The following MYO16 variants were observed in gnomAD, a reference collection of about 807,000 sequenced individuals.
The protein encoded by MYO16 is myosin XVI, also known as unconventional myosin-XVI.
In MYO16, 94 loss-of-function variants were observed where a neutral mutation model predicts 205.3. The observed-to-expected ratio is 0.46, with a 90% CI of 0.39 to 0.54. The LOEUF (loss-of-function observed/expected upper bound fraction) is 0.54. Ranked by LOEUF, MYO16 falls within the 20% of genes least tolerant of loss-of-function variation. The pLI is 0.00. For missense variants in MYO16, 2,315 were observed against 2,387.5 expected, an observed-to-expected ratio of 0.97 and a Z score of 0.63; for synonymous variants, 988 against 954.0, an observed-to-expected ratio of 1.04 and a Z score of -0.66.
intron 28 of MYO16, among the ~76,000 whole-genome samples, chr13:109,119,816 T>C (rs1476379970): frequency 6.6e-6 from 1 of 152,226 alleles, no homozygotes; most frequent in African/African-American, 2.4e-5. Context: ...GATGACTTTC[T>C]CATCTTTCTT....
At chr13:109,158,671 C>T (rs1878202653) in intron 32 of MYO16, among the ~76,000 whole-genome samples, 1 of 152,060 alleles carries the variant, frequency 6.6e-6, no homozygotes, top group Non-Finnish European at 1.5e-5. Context: ...GCCTGAGACC[C>T]ATTTTGGTTT....
At chr13:109,195,193 C>G (rs1053053542) in intron 34 of MYO16, among the ~76,000 whole-genome samples, 1 of 152,152 alleles carries the variant, frequency 6.6e-6, no homozygotes, top group African/African-American at 2.4e-5. Context: ...TGCTTCCTTC[C>G]CTCACTATTG....
At chr13:108,772,358 G>GAAAAA (rs1256431319) in intron 4 of MYO16, among the ~76,000 whole-genome samples, 1 of 141,474 alleles carries the variant, frequency 7.1e-6, no homozygotes, top group Non-Finnish European at 1.5e-5. Context: ...TCAAAAGAAA[G>GAAAAA]AAAAAAGAAA....
Position 108,964,782 on chromosome 13 carries a change from A to G in MYO16, c.2249A>G (p.His750Arg), listed in dbSNP as rs774815797. 4 of 1,614,036 alleles carry G rather than the reference A, an allele frequency of 2.5e-6. No homozygotes were observed. Among genetic ancestry groups the G allele is most frequent in the Admixed American group, 1.7e-5 (1 of 60,010 alleles). ...TTAGGGGATATGATAATACGACGAC[A>G]TACCATACAGATTGCTGAGTTTTTC... ...YFKGDMIIRR[H>R]TIQIAEFFRD... The change falls in exon 20 of 35, where the codon CAT becomes CGT. Residue 750 changes from histidine (H) to arginine (R), a missense_variant. Coordinates refer to ENST00000457511, the MANE Select transcript of MYO16 (RefSeq NM_001198950.3).
Position 108,957,795 on chromosome 13 carries a change from G to T in MYO16, c.2033G>T (p.Ser678Ile). ...GCCCTGAATGTAGTTGGCTTCAGCA[G>T]CTTGGTGAGTCATGTCATAAATATT... ...KRALNVVGFS[S>I]LEVENLFVIL... is the part of the protein sequence containing the mutation. The change falls in exon 17 of 35, where the codon AGC becomes ATC. Residue 678 changes from serine (S) to isoleucine (I), a missense_variant. By Grantham distance (142) the Ser-to-Ile change is moderately radical (BLOSUM62 -2). This residue lies in a region of MYO16 where 1,213 missense variants were observed against 1,274.4 expected (regional missense o/e 0.95). Coordinates refer to ENST00000457511, the MANE Select transcript of MYO16 (RefSeq NM_001198950.3). 6.2e-7 allele frequency: 1 copy of T among 1,609,566 alleles called. No homozygotes were observed. Among genetic ancestry groups the T allele is most frequent in the Non-Finnish European group, 8.5e-7 (1 of 1,175,952 alleles).
intron 16 of MYO16, among the ~76,000 whole-genome samples, chr13:108,954,405 A>G (rs555158981): frequency 6.6e-6 from 1 of 152,276 alleles, no homozygotes; most frequent in South Asian, 2.1e-4. Flanking sequence ...TGCTGCGAGG[A>G]CCAGAAGTAT....
the MYO16 span, among the ~76,000 whole-genome samples, chr13:108,589,243 T>G: frequency 6.6e-6 from 1 of 152,226 alleles, no homozygotes; most frequent in African/African-American, 2.4e-5. Flanking sequence ...CATGTTGACT[T>G]CTTTATCCTT....
chr13:108,754,563 G>C (rs1885360126), intron 4 of MYO16, among the ~76,000 whole-genome samples: 1 of 152,116 alleles, frequency 6.6e-6, no homozygotes, highest in South Asian at 2.1e-4. Context: ...TAAAGTAAAA[G>C]AAATAGATTT....
At position 109,140,994 on chromosome 13, in the gene MYO16, G is replaced by A. The variant is rs865918578; in HGVS notation, c.4782G>A (p.Thr1594=). 3.0e-3 allele frequency: 3,981 copies of A among 1,336,940 alleles called. 40 individuals carry two copies. Among genetic ancestry groups the A allele is most frequent in the Middle Eastern group, 0.014 (49 of 3,588 alleles). 82.8% of individuals were successfully genotyped at this position (1,336,940 alleles called of 1,614,324 possible). ...CCGGCCGAGCCTCCCCGCCGTCCAC[G>A]CCGCCCCCGCCCCCGCCCCCGCCCG... The part of the protein sequence containing the change: ...NGSGRASPPS[T]PPPPPPPPGP... The change falls in exon 32 of 35, where the codon ACG becomes ACA. Residue 1594 remains threonine (T), a synonymous_variant. Coordinates refer to ENST00000457511, the MANE Select transcript of MYO16 (RefSeq NM_001198950.3). This position sits in a 1 kb window ranked among gnomAD's most constrained non-coding sequence, Gnocchi z 8.0.
intron 3 of MYO16, among the ~76,000 whole-genome samples, chr13:108,719,420 C>A (rs1884073513): frequency 6.6e-6 from 1 of 152,152 alleles, no homozygotes; most frequent in Admixed American, 6.5e-5. Context: ...TGATCCCATT[C>A]CTCCTCAATA....
intron 3 of MYO16, among the ~76,000 whole-genome samples, chr13:108,725,837 G>A (rs1246596770): frequency 1.3e-5 from 2 of 152,158 alleles, no homozygotes; most frequent in East Asian, 1.9e-4. Context: ...GCCAGCCCTG[G>A]TCAAGCCAGG....
intron 2 of MYO16, among the ~76,000 whole-genome samples, chr13:108,691,331 C>A (rs894795939): frequency 6.6e-6 from 1 of 151,500 alleles, no homozygotes; most frequent in East Asian, 1.9e-4. Flanking sequence ...TTTTAAATAA[C>A]GGAAGGAAAC....
chr13:108,997,112 G>A (rs1308685179), intron 21 of MYO16, among the ~76,000 whole-genome samples: 1 of 152,012 alleles, frequency 6.6e-6, no homozygotes, highest in East Asian at 1.9e-4. Context: ...CCAACATGGT[G>A]AAACCCTGTC....
chr13:108,747,494 T>A (rs1488084832), intron 4 of MYO16, among the ~76,000 whole-genome samples: 1 of 152,098 alleles, frequency 6.6e-6, no homozygotes, highest in Non-Finnish European at 1.5e-5. Flanking sequence ...AAATGTATAT[T>A]GGAAACTTTA....
At chr13:108,702,393 A>T (rs1020860844) in intron 2 of MYO16, among the ~76,000 whole-genome samples, 4 of 152,218 alleles carry the variant, frequency 2.6e-5, no homozygotes, top group Middle Eastern at 3.2e-3. Flanking sequence ...GCAGAAAATG[A>T]CAAATTCAAA....
chr13:108,747,012 T>C (rs1885086300), intron 4 of MYO16, among the ~76,000 whole-genome samples: 1 of 152,172 alleles, frequency 6.6e-6, no homozygotes, highest in Non-Finnish European at 1.5e-5. Flanking sequence ...ATACTTAAAA[T>C]GCTAAAAAGA....
At chr13:108,674,257 G>T (rs1882109457) in intron 2 of MYO16, among the ~76,000 whole-genome samples, 2 of 152,080 alleles carry the variant, frequency 1.3e-5, no homozygotes, top group Admixed American at 1.3e-4. Context: ...CCATTTAATT[G>T]TGATTATTTA....
intron 10 of MYO16, among the ~76,000 whole-genome samples, chr13:108,851,975 C>T (rs1877896203): frequency 6.6e-6 from 1 of 152,106 alleles, no homozygotes; most frequent in African/African-American, 2.4e-5. Context: ...TGTTCTAGGG[C>T]CTCCCACACA....
At chr13:109,201,311 C>T (rs1308886144) in intron 34 of MYO16, 1 of 152,096 alleles carries the variant, frequency 6.6e-6, no homozygotes, top group African/African-American at 2.4e-5. Flanking sequence ...CGAAACTCTA[C>T]TTAATCCCAA....
Sources: allele counts gnomAD v4.1 joint callset (sites outside exome capture counted in the v4.1 genomes callset), GRCh38; gene constraint gnomAD v4.1.1; regional missense constraint gnomAD v4.1.1; non-coding constraint Gnocchi (gnomAD v3.1); transcripts MANE v1.5; gene names NCBI Gene and HGNC (gene_info 2026-07-23, HGNC 2026-07-21).